The following SPEF1 variants were observed in gnomAD, a reference collection of about 807,000 sequenced individuals.
SPEF1 encodes the protein sperm flagellar and cilia associated 1.
In SPEF1, 30 loss-of-function variants were observed where a neutral mutation model predicts 31.8. That is an observed-to-expected ratio of 0.94 (90% confidence interval 0.70 to 1.28). SPEF1 has a LOEUF of 1.28. Among genes scored for constraint, SPEF1 ranks in the 50% most tolerant of loss-of-function variants. The pLI is 0.00. For missense variants in SPEF1, 298 were observed against 309.6 expected (o/e 0.96, Z 0.28); for synonymous variants, 126 against 130.1 (o/e 0.97, Z 0.21).
Position 3,778,164 on chromosome 20 carries a change from G to C in SPEF1, c.*48C>G, listed in dbSNP as rs774324525. The C allele has an allele frequency of 7.4e-7, 1 of 1,353,110 alleles. No individual in the cohort carries two copies. The highest frequency in any genetic ancestry group is 1.0e-6 in the Non-Finnish European group (1 of 1,001,720). The allele number at this position is 1,353,110 out of a possible 1,614,324, so 83.8% of individuals were successfully genotyped here. On this transcript the variant is annotated 3_prime_UTR_variant, in exon 7 of 7. Transcript: ENST00000379756. ...CGGTGGGTGGGTCCGGCGCGGCGTC[G>C]GGGCTCTGGCGGGTACCCGGGCGTC...
rs757946138 is a variant in SPEF1, at chr20:3,778,232, C to A, written c.691G>T (p.Ala231Ser). 6.2e-6 allele frequency: 10 copies of A among 1,600,224 alleles called. No homozygotes were observed. The East Asian group carries it at 2.3e-4, about 36-fold the overall frequency. Residue 231 changes from alanine to serine, a missense_variant, in exon 7 of 7, where the codon GCG (alanine) becomes TCG (serine). Coordinates refer to ENST00000379756, the MANE Select transcript of SPEF1 (RefSeq NM_015417.5). ...GCCGCTCACCGCTGCTTACGCTCCG[C>A]CTGCTGGAGCCGCCGGGAGAGGTCT... ...IEDLSRRLQQ[A>S]ERKQR
chr20:3,779,009 T>C lies in SPEF1; in HGVS notation c.379-19A>G. 2 of 1,613,918 alleles carry C rather than the reference T, an allele frequency of 1.2e-6. No individual in the cohort carries two copies. Among genetic ancestry groups the C allele is most frequent in the Non-Finnish European group, 1.7e-6 (2 of 1,179,950 alleles). ...CCAGCTCCTGAAAGAACCCCGGGGG[T>C]CCGCTGTAAGCCCGGGCTCAGTCAT... On this transcript the variant is annotated intron_variant, in intron 3 of 6. Coordinates refer to ENST00000379756, the MANE Select transcript of SPEF1 (RefSeq NM_015417.5).
chr20:3,779,812 A>C, intron 1 of SPEF1, 37 bp from the exon 2 acceptor site: 1 of 570,054 alleles, frequency 1.8e-6, no homozygotes, highest in Non-Finnish European at 3.3e-6. Flanking sequence ...AAGTGGGGGC[A>C]TGGGTAAGGA....
chr20:3,778,249 G>C lies in SPEF1; in HGVS notation c.674C>G (p.Ser225Cys). The C allele has an allele frequency of 6.2e-7, 1 of 1,608,792 alleles. No homozygotes were observed. Among genetic ancestry groups the C allele is most frequent in the African/African-American group, 1.3e-5 (1 of 74,926 alleles). The change falls in exon 7 of 7, where the codon TCC becomes TGC. Residue 225 changes from serine (S) to cysteine (C), a missense_variant. Ser to Cys is a moderately radical substitution (Grantham distance 112). Coordinates refer to ENST00000379756, the MANE Select transcript of SPEF1 (RefSeq NM_015417.5). ...ACGCTCCGCCTGCTGGAGCCGCCGG[G>C]AGAGGTCTTCGATCCGCACATTCTT... ...QLKNVRIEDL[S>C]RRLQQAERKQ...
intron 1 of SPEF1, among the ~76,000 whole-genome samples, chr20:3,780,421 C>T (rs1213809863): frequency 6.8e-5 from 6 of 87,762 alleles, no homozygotes; most frequent in Non-Finnish European, 5.1e-5. Flanking sequence ...ATGATGCACA[C>T]ACACACACAC....
Position 3,779,898 on chromosome 20 carries a change from T to G in SPEF1, c.110-123A>C, listed in dbSNP as rs79694945. On this transcript the variant is annotated intron_variant, in intron 1 of 6. Coordinates refer to ENST00000379756, the MANE Select transcript of SPEF1 (RefSeq NM_015417.5). ...GTGGAACCCAATGGAGGGGTGGAGA[T>G]GCGGAAAGGGGAAGGATAAGGAGGG... 875 of 531,874 alleles carry G rather than the reference T, an allele frequency of 1.6e-3. 6 individuals are homozygous for G. Among genetic ancestry groups the G allele is most frequent in the African/African-American group, 0.016 (795 of 51,286 alleles). The allele number at this position is 531,874 out of a possible 1,614,324, so 32.9% of individuals were successfully genotyped here.
At position 3,778,548 on chromosome 20, in the gene SPEF1, G is replaced by A; in HGVS notation, c.480-4C>T. ...AGGCGCCGGCGGCCGGTCCCAGCTG[G>A]GGTGGGAAGCAGCTTAGCGGAGGCT... is the stretch of plus-strand genomic sequence containing the variant. On this transcript the variant is annotated splice_polypyrimidine_tract_variant and splice_region_variant and intron_variant, in intron 5 of 6. Coordinates refer to ENST00000379756, the MANE Select transcript of SPEF1 (RefSeq NM_015417.5). 6.2e-7 allele frequency: 1 copy of A among 1,605,280 alleles called. No homozygotes were observed. Among genetic ancestry groups the A allele is most frequent in the Non-Finnish European group, 8.5e-7 (1 of 1,177,526 alleles).
In SPEF1 at chr20:3,778,964, G is replaced by C. The variant is rs753845485; in HGVS notation, c.405C>G (p.Gly135=). 6.2e-7 allele frequency: 1 copy of C among 1,614,200 alleles called. No individual in the cohort carries two copies. The highest frequency in any genetic ancestry group is 2.2e-5 in the East Asian group (1 of 44,886). ...LQELAPQDGS[G]YMDVGVSQKA... Reference sequence around the variant, plus strand: ...AGGCCACCTTACCCACATCCATGTAGCCACTGCCATCCTGGGGAGCCAGCT... The same window carrying C: ...AGGCCACCTTACCCACATCCATGTACCCACTGCCATCCTGGGGAGCCAGCT... Residue 135 remains glycine (G), a synonymous_variant, in exon 4 of 7, where the codon GGC becomes GGG. Coordinates refer to ENST00000379756, the MANE Select transcript of SPEF1 (RefSeq NM_015417.5).
intron 5 of SPEF1, 64 bp downstream of exon 5, chr20:3,778,682 C>T (rs2146635186): frequency 2.5e-6 from 4 of 1,598,098 alleles, no homozygotes; most frequent in South Asian, 2.2e-5. Flanking sequence ...TACCGTGCCC[C>T]CCAACCCCAG....
At position 3,779,741 on chromosome 20, in the gene SPEF1, G is replaced by C. The variant is rs1367081956; in HGVS notation, c.144C>G (p.Pro48=). The change falls in exon 2 of 7, where the codon CCC becomes CCG. Residue 48 remains proline, a synonymous_variant. Transcript: ENST00000379756. ...LVAEVIKFYF[P]KMVEMHNYVP... ...CATAATTGTGCATCTCCACCATCTT[G>C]GGGAAGTAAAACTTGATGACCTCTG... 2 of 1,613,306 alleles carry C rather than the reference G, an allele frequency of 1.2e-6. No individual in the cohort carries two copies. The highest frequency in any genetic ancestry group is 1.7e-6 in the Non-Finnish European group (2 of 1,179,718).
In SPEF1 at chr20:3,779,679, C is replaced by T; in HGVS notation, c.206G>A (p.Trp69Ter). 3 of 1,612,504 alleles carry T rather than the reference C, an allele frequency of 1.9e-6. No individual in the cohort carries two copies. The highest frequency in any genetic ancestry group is 2.5e-6 in the Non-Finnish European group (3 of 1,178,600). ...ATTCTGCTACCTGTTCAGATGACCC[C>T]AGTTGCTGAGCTTCTGCTGGAGAGA... is the stretch of plus-strand genomic sequence containing the variant. ...ANSLQQKLSN[W>*]GHLNRKVLKR... is the part of the protein sequence containing the mutation. The change falls in exon 2 of 7, where the codon TGG becomes TAG. Residue 69 changes from tryptophan (W) to a stop codon, truncating the protein, a stop_gained. Transcript: ENST00000379756. LOFTEE classifies it high-confidence loss of function.
At chr20:3,781,051 A>G in intron 1 of SPEF1, 128 bp downstream of exon 1, 2 of 1,247,086 alleles carry the variant, frequency 1.6e-6, no homozygotes, top group Non-Finnish European at 2.2e-6. Context: ...ACACACATCT[A>G]AAATTTGAAG....
intron 2 of SPEF1, 115 bp downstream of exon 2, chr20:3,779,549 T>G: frequency 1.1e-6 from 1 of 937,062 alleles, no homozygotes; most frequent in East Asian, 2.6e-5. Flanking sequence ...TCTCTTGATT[T>G]TGTAATCGGA....
rs539716581 is a variant in SPEF1, at chr20:3,777,680, T to C, written c.*532A>G. On this transcript the variant is annotated 3_prime_UTR_variant, in exon 7 of 7. Transcript: ENST00000379756. This position sits in a 1 kb window ranked among gnomAD's most constrained non-coding sequence, Gnocchi z 4.1. ...TCCTCTCCAGCTGCTGCGGTCTCCGTCGCCGAGGTGGGTCCCAGGTAAGCT... is the reference window on the plus strand; with the variant it reads ...TCCTCTCCAGCTGCTGCGGTCTCCGCCGCCGAGGTGGGTCCCAGGTAAGCT... 6.6e-6 allele frequency: 1 copy of C among 152,482 alleles called. No homozygotes were observed. Among genetic ancestry groups the C allele is most frequent in the Non-Finnish European group, 1.5e-5 (1 of 68,312 alleles). 9.4% of individuals were successfully genotyped at this position (152,482 alleles called of 1,614,324 possible).
chr20:3,781,436 C>T lies in SPEF1; in HGVS notation c.-149G>A. ...GACTCACGTCCCAGCTGGGAGCGGC[C>T]ATATTGTTTTCTGAAACCATGGAAA... On this transcript the variant is annotated 5_prime_UTR_variant, in exon 1 of 7. It removes an upstream start codon present in the reference 5' UTR. Transcript: ENST00000379756. 3 of 1,268,106 alleles carry T rather than the reference C, an allele frequency of 2.4e-6. No individual in the cohort carries two copies. Among genetic ancestry groups the T allele is most frequent in the Non-Finnish European group, 3.2e-6 (3 of 945,280 alleles). The allele number at this position is 1,268,106 out of a possible 1,614,324, so 78.6% of individuals were successfully genotyped here.
Position 3,777,946 on chromosome 20 carries a change from T to C in SPEF1, c.*266A>G, listed in dbSNP as rs1481949477. 4.4e-6 allele frequency: 2 copies of C among 454,080 alleles called. No individual in the cohort carries two copies. The highest frequency in any genetic ancestry group is 7.6e-5 in the East Asian group (2 of 26,392). 28.1% of individuals were successfully genotyped at this position (454,080 alleles called of 1,614,324 possible). On this transcript the variant is annotated 3_prime_UTR_variant, in exon 7 of 7. Coordinates refer to ENST00000379756, the MANE Select transcript of SPEF1 (RefSeq NM_015417.5). This position sits in a 1 kb window ranked among gnomAD's most constrained non-coding sequence, Gnocchi z 4.1. ...AGGCTAGGTCTCTGCACGTGGCTTC[T>C]GGGCTCTGGAAAGCGGTCCATTCTC...
chr20:3,779,568 G>A, intron 2 of SPEF1, 96 bp downstream of exon 2: 2 of 1,000,984 alleles, frequency 2.0e-6, no homozygotes, highest in South Asian at 2.7e-5. Context: ...GACGAATTCT[G>A]TCTGCGTTGA....
In SPEF1 at chr20:3,778,964, G is replaced by A. The variant is rs753845485; in HGVS notation, c.405C>T (p.Gly135=). Residue 135 remains glycine, a synonymous_variant, in exon 4 of 7, where the codon GGC becomes GGT. Transcript: ENST00000379756. ...AGGCCACCTTACCCACATCCATGTA[G>A]CCACTGCCATCCTGGGGAGCCAGCT... is the stretch of plus-strand genomic sequence containing the variant. ...LQELAPQDGS[G]YMDVGVSQKA... 2 of 1,614,200 alleles carry A rather than the reference G, an allele frequency of 1.2e-6. No individual in the cohort carries two copies. Among genetic ancestry groups the A allele is most frequent in the South Asian group, 2.2e-5 (2 of 91,090 alleles).
At chr20:3,779,417 A>G (rs2088766869) in intron 2 of SPEF1, 65 bp from the exon 3 acceptor site, 6 of 1,375,114 alleles carry the variant, frequency 4.4e-6, no homozygotes, top group Admixed American at 4.0e-5. Flanking sequence ...GATGGGGGAG[A>G]GGGAAGGGGG....
Sources: gnomAD v4.1 joint callset for allele counts (sites outside exome capture counted in the v4.1 genomes callset) on GRCh38, gnomAD v4.1.1 for gene constraint, Gnocchi (gnomAD v3.1) non-coding constraint, MANE v1.5 for transcripts, NCBI Gene and HGNC (gene_info 2026-07-23, HGNC 2026-07-21) for gene names.